SEC24D: variants seen among roughly 807,000 people sequenced by gnomAD.
SEC24D encodes protein transport protein Sec24D.
A neutral mutation model predicts 116.9 loss-of-function variants in SEC24D; 69 were observed. The observed-to-expected ratio is 0.59, with a 90% CI of 0.49 to 0.72. The LOEUF is 0.72. Among genes scored for constraint, SEC24D ranks in the 30% least tolerant of loss-of-function variants. The pLI, the probability that SEC24D is intolerant of heterozygous loss-of-function variation, is 0.00. For missense variants in SEC24D, 1,131 were observed against 1,264.1 expected (o/e 0.89, Z 1.60); for synonymous variants, 405 against 442.8 (o/e 0.91, Z 1.07).
intron 2 of SEC24D, among the ~76,000 whole-genome samples, chr4:118,827,170 G>A (rs1335709382): frequency 6.6e-6 from 1 of 152,206 alleles, no homozygotes; most frequent in African/African-American, 2.4e-5. Context: ...GGTGTGGAGA[G>A]GCTGGGAGGG....
chr4:118,808,652 T>C (rs1255727041), intron 6 of SEC24D, among the ~76,000 whole-genome samples: 1 of 152,222 alleles, frequency 6.6e-6, no homozygotes, highest in Non-Finnish European at 1.5e-5. Context: ...AATAGCAATT[T>C]TGACTGTGAC....
chr4:118,740,725 C>A lies in SEC24D; in HGVS notation c.2176G>T (p.Ala726Ser), dbSNP rs200113050. 1.9e-5 allele frequency: 30 copies of A among 1,613,834 alleles called. No homozygotes were observed. Among genetic ancestry groups the A allele is most frequent in the Non-Finnish European group, 8.5e-6 (10 of 1,179,882 alleles). The part of the protein sequence containing the change: ...VEMAAIDCDK[A>S]VTVEFKHDDK... ...TCGTGCTTGAACTCCACGGTCACTGCCTTGTCACAATCGATGGCAGCCATT... is the reference window on the plus strand; with the variant it reads ...TCGTGCTTGAACTCCACGGTCACTGACTTGTCACAATCGATGGCAGCCATT... Residue 726 changes from alanine (A) to serine (S), a missense_variant, in exon 17 of 23, where the codon GCA becomes TCA. Ala to Ser is a moderately conservative substitution (Grantham distance 99, BLOSUM62 1). Transcript: ENST00000280551.
intron 8 of SEC24D, among the ~76,000 whole-genome samples, chr4:118,792,895 A>G (rs1728994499): frequency 6.6e-6 from 1 of 152,188 alleles, no homozygotes; most frequent in Non-Finnish European, 1.5e-5. Context: ...AATAAATACT[A>G]AAAAACAAAA....
At chr4:118,762,159 C>A (rs1727414833) in intron 10 of SEC24D, among the ~76,000 whole-genome samples, 1 of 150,696 alleles carries the variant, frequency 6.6e-6, no homozygotes, top group African/African-American at 2.4e-5. Flanking sequence ...ACTTTACATG[C>A]AGATATATTC....
intron 19 of SEC24D, among the ~76,000 whole-genome samples, chr4:118,737,140 T>G: frequency 6.6e-6 from 1 of 152,242 alleles, no homozygotes; most frequent in Admixed American, 6.5e-5. Context: ...TTTAAAGTGC[T>G]CATGATTGGA....
rs957345884 is a variant in SEC24D at position 118,785,346 on chromosome 4, T to C, written c.1041+12337A>G. ...GCTAAAAATGTTCCATGTACTGTTT[T>C]AGGTCCTAGAAATGCAATAGTGAGA... On this transcript the variant is annotated intron_variant, in intron 8 of 22. Coordinates refer to ENST00000280551, the MANE Select transcript of SEC24D (RefSeq NM_014822.4). Among the ~76,000 whole-genome samples the C allele has an allele frequency of 2.0e-5, 3 of 152,338 alleles. No homozygotes were observed. The East Asian group carries it at 5.8e-4, about 29-fold the overall frequency.
rs1730518178 is a variant in SEC24D at position 118,824,536 on chromosome 4, C to G, written c.248+84G>C. 4.9e-6 allele frequency: 7 copies of G among 1,441,134 alleles called. No homozygotes were observed. The Admixed American group carries it at 8.5e-5, about 18-fold the overall frequency. 89.3% of individuals were successfully genotyped at this position (1,441,134 alleles called of 1,614,324 possible). A position where few individuals can be genotyped will look rare whatever the true frequency, so the allele number is the denominator to read the frequency against. ...CATCATCAAAACGTCAAACTTTCAA[C>G]CAATAAACATACAAGCTTAGAAGGT... On this transcript the variant is annotated intron_variant, in intron 3 of 22. Transcript: ENST00000280551.
At chr4:118,833,785 G>A (rs545906549) in intron 1 of SEC24D, 48 bp from the exon 2 acceptor site, 12 of 863,570 alleles carry the variant, frequency 1.4e-5, no homozygotes, top group East Asian at 2.5e-5. Flanking sequence ...TTTTAGTTAC[G>A]TAAAGCTATT....
At chr4:118,777,738 G>C (rs979050407) in intron 8 of SEC24D, among the ~76,000 whole-genome samples, 2 of 152,170 alleles carry the variant, frequency 1.3e-5, no homozygotes, top group African/African-American at 4.8e-5. Flanking sequence ...CAGTGTAAAA[G>C]CATTCCTATT....
chr4:118,784,150 C>G (rs944659977), intron 8 of SEC24D, among the ~76,000 whole-genome samples: 4 of 151,802 alleles, frequency 2.6e-5, no homozygotes, highest in African/African-American at 9.7e-5. Context: ...GGCACACAGC[C>G]AAAAATCATT....
At chr4:118,753,654 TAGTG>T (rs1400991169) in intron 11 of SEC24D, among the ~76,000 whole-genome samples, 1 of 152,064 alleles carries the variant, frequency 6.6e-6, no homozygotes, top group African/African-American at 2.4e-5. Context: ...CTATAGTCTA[TAGTG>T]AGTACCTTCA....
Position 118,827,464 on chromosome 4 carries a change from C to A in SEC24D, c.119-2715G>T, listed in dbSNP as rs141815936. On this transcript the variant is annotated intron_variant, in intron 2 of 22. Coordinates refer to ENST00000280551, the MANE Select transcript of SEC24D (RefSeq NM_014822.4). ...CCCCACCAAAAAAAATCTAAGATCA[C>A]AAGTTGGTCTCTCACACAGCGGCAG... 2.2e-3 allele frequency among the ~76,000 whole-genome samples: 331 copies of A among 152,272 alleles called. 2 individuals carry two copies. Among genetic ancestry groups the A allele is most frequent in the African/African-American group, 6.7e-3 (280 of 41,564 alleles).
intron 10 of SEC24D, among the ~76,000 whole-genome samples, chr4:118,759,571 T>C (rs1225729317): frequency 6.6e-6 from 1 of 152,166 alleles, no homozygotes; most frequent in Non-Finnish European, 1.5e-5. Context: ...GATTGCAAAG[T>C]ACAGTGACTT....
intron 2 of SEC24D, among the ~76,000 whole-genome samples, chr4:118,830,645 A>G (rs1160836382): frequency 6.7e-6 from 1 of 149,592 alleles, no homozygotes; most frequent in Non-Finnish European, 1.5e-5. Flanking sequence ...GCCAATTAAA[A>G]TTTTTTTTTT....
At chr4:118,762,201 T>C (rs1727417080) in intron 10 of SEC24D, among the ~76,000 whole-genome samples, 1 of 152,186 alleles carries the variant, frequency 6.6e-6, no homozygotes, top group South Asian at 2.1e-4. Context: ...CTCTCAGTTA[T>C]ATGGCAAAGC....
In SEC24D at chr4:118,728,641, G is replaced by A. The variant is rs1725529915; in HGVS notation, c.2878C>T (p.Pro960Ser). ...TGAGAGTATGGGTTTCCCACTTCAG[G>A]CAGCAATGTCTTAGATTTAAGAAAA... Reference protein sequence around the residue: ...AHINTDMTLLPEVGNPYSQQL... With the variant: ...AHINTDMTLLSEVGNPYSQQL... Residue 960 changes from proline (P) to serine (S), a missense_variant, in exon 22 of 23, where the codon CCT becomes TCT. By Grantham distance (74) the Pro-to-Ser change is moderately conservative (BLOSUM62 -1). Coordinates refer to ENST00000280551, the MANE Select transcript of SEC24D (RefSeq NM_014822.4). 2 of 1,601,682 alleles carry A rather than the reference G, an allele frequency of 1.2e-6. No individual in the cohort carries two copies. The highest frequency in any genetic ancestry group is 1.7e-5 in the Admixed American group (1 of 59,582).
chr4:118,821,718 C>G (rs1362134576), intron 3 of SEC24D, among the ~76,000 whole-genome samples: 1 of 151,636 alleles, frequency 6.6e-6, no homozygotes, highest in Non-Finnish European at 1.5e-5. Flanking sequence ...GAGTCATATG[C>G]CATCTATGCT....
At chr4:118,780,567 T>C (rs186493408) in intron 8 of SEC24D, among the ~76,000 whole-genome samples, 1 of 152,292 alleles carries the variant, frequency 6.6e-6, no homozygotes, top group East Asian at 1.9e-4. Context: ...CTGAGATGAA[T>C]GTATATTCTG....
At chr4:118,789,786 A>G (rs28621790) in intron 8 of SEC24D, among the ~76,000 whole-genome samples, 1,535 of 152,204 alleles carry the variant, frequency 0.01, 23 homozygotes, top group African/African-American at 0.035. Flanking sequence ...GGGTTTCACC[A>G]TGTTAGCCAG....
Sources: allele counts gnomAD v4.1 joint callset (sites outside exome capture counted in the v4.1 genomes callset), GRCh38; gene constraint gnomAD v4.1.1; transcripts MANE v1.5; gene names NCBI Gene and HGNC (gene_info 2026-07-23, HGNC 2026-07-21).